COLEC11: variants seen among roughly 807,000 people sequenced by gnomAD.
COLEC11 encodes the protein collectin-11.
A neutral mutation model predicts 27.3 loss-of-function variants in COLEC11; 20 were observed. That is an observed-to-expected ratio of 0.73 (90% CI 0.51 to 1.06). The LOEUF is 1.06. Ranked by LOEUF, COLEC11 falls within the 50% of genes least tolerant of loss-of-function variation. The probability of loss-of-function intolerance (pLI) is 0.00; values close to 1 mark genes in which losing one functional copy is unlikely to be tolerated. For synonymous variants in COLEC11, 163 were observed against 154.7 expected, an observed-to-expected ratio of 1.05 and a Z score of -0.40; for missense variants, 310 against 383.0, an observed-to-expected ratio of 0.81 and a Z score of 1.59.
chr2:3,601,586 G>T (rs1376801074), intron 1 of COLEC11, among the ~76,000 whole-genome samples: 1 of 152,180 alleles, frequency 6.6e-6, no homozygotes, highest in East Asian at 1.9e-4. Flanking sequence ...GAGCCACTGT[G>T]ACTTTGTGCT....
At chr2:3,595,907 A>G (rs774454012) in intron 1 of COLEC11, among the ~76,000 whole-genome samples, 2 of 152,240 alleles carry the variant, frequency 1.3e-5, no homozygotes, top group African/African-American at 2.4e-5. Context: ...TTTGATGGGA[A>G]GCACTTTGCC....
At chr2:3,608,089 C>T (rs1468914393) in intron 2 of COLEC11, among the ~76,000 whole-genome samples, 2 of 152,222 alleles carry the variant, frequency 1.3e-5, no homozygotes, top group African/African-American at 4.8e-5. Flanking sequence ...GTCGAAGTAT[C>T]TTAGGTTCTC....
intron 4 of COLEC11, among the ~76,000 whole-genome samples, chr2:3,638,500 C>T (rs1282131009): frequency 6.6e-6 from 1 of 152,198 alleles, no homozygotes; most frequent in Non-Finnish European, 1.5e-5. Context: ...GTTCTTCTAC[C>T]TCATTCATCT....
chr2:3,605,251 G>C (rs1662555454), intron 2 of COLEC11, among the ~76,000 whole-genome samples: 1 of 151,786 alleles, frequency 6.6e-6, no homozygotes, highest in Admixed American at 6.6e-5. Flanking sequence ...GGGCTGCACC[G>C]GCCGCAGCAG....
chr2:3,606,346 C>A (rs1471464207), intron 2 of COLEC11: 4 of 977,904 alleles, frequency 4.1e-6, no homozygotes, highest in Non-Finnish European at 6.2e-6. Context: ...CAGCTGTCCA[C>A]GTCCTGGGTC....
intron 3 of COLEC11, among the ~76,000 whole-genome samples, chr2:3,625,777 C>A (rs938567553): frequency 1.3e-5 from 2 of 151,830 alleles, no homozygotes; most frequent in African/African-American, 4.8e-5. Flanking sequence ...GGATTACAGG[C>A]GCCCACCACC....
At chr2:3,595,225 GAGGGGAGGC>G (rs1355182209) in intron 1 of COLEC11, 57 bp downstream of exon 1, 2 of 206,726 alleles carry the variant, frequency 9.7e-6, no homozygotes, top group African/African-American at 4.7e-5. Context: ...TGACAGTGCA[GAGGGGAGGC>G]AGGCAGGCTT....
At chr2:3,618,391 G>C (rs12478443) in intron 3 of COLEC11, among the ~76,000 whole-genome samples, 86,260 of 151,724 alleles carry the variant, frequency 0.57, 27,335 homozygotes, top group South Asian at 0.74. Flanking sequence ...CAAGGATTCA[G>C]TTTTGTTTTT....
intron 3 of COLEC11, among the ~76,000 whole-genome samples, chr2:3,635,969 G>A (rs1483584356): frequency 6.6e-6 from 1 of 152,214 alleles, no homozygotes; most frequent in Non-Finnish European, 1.5e-5. Context: ...GCAGGGGCAT[G>A]TGTGGTTTCA....
At chr2:3,617,652 C>G in intron 3 of COLEC11, 2 of 1,612,016 alleles carry the variant, frequency 1.2e-6, no homozygotes, top group Non-Finnish European at 8.5e-7. Flanking sequence ...TCGAATTTCT[C>G]GATCTCAGCC....
intron 2 of COLEC11, among the ~76,000 whole-genome samples, chr2:3,612,380 G>C (rs1373797154): frequency 6.6e-6 from 1 of 152,178 alleles, no homozygotes; most frequent in Admixed American, 6.5e-5. Flanking sequence ...AGCCAGCAGA[G>C]TGGCCCTGTT....
At chr2:3,633,406 T>C (rs780515611) in intron 3 of COLEC11, among the ~76,000 whole-genome samples, 23 of 152,234 alleles carry the variant, frequency 1.5e-4, no homozygotes, top group Non-Finnish European at 2.6e-4. Context: ...CACGGCCAGA[T>C]GTTAAAGCAA....
chr2:3,599,132 C>A (rs541412968), intron 1 of COLEC11, among the ~76,000 whole-genome samples: 1 of 152,126 alleles, frequency 6.6e-6, no homozygotes, highest in Non-Finnish European at 1.5e-5. Flanking sequence ...TGCTGGGAAG[C>A]GTTCTTAATT....
At chr2:3,623,307 C>T (rs937302373) in intron 3 of COLEC11, among the ~76,000 whole-genome samples, 1 of 152,152 alleles carries the variant, frequency 6.6e-6, no homozygotes, top group Non-Finnish European at 1.5e-5. Context: ...CTTTAAGCTT[C>T]ATGTACCTTG....
intron 3 of COLEC11, among the ~76,000 whole-genome samples, chr2:3,616,817 T>A (rs142211582): frequency 7.0e-6 from 1 of 143,876 alleles, no homozygotes; most frequent in Non-Finnish European, 1.5e-5. Flanking sequence ...AGAGGGAGAC[T>A]GTGGGGAGAG....
chr2:3,639,183 A>G (rs1355052691), intron 4 of COLEC11, among the ~76,000 whole-genome samples: 1 of 152,262 alleles, frequency 6.6e-6, no homozygotes, highest in East Asian at 1.9e-4. Context: ...TGGATGGACC[A>G]CAATTATTGT....
intron 2 of COLEC11, among the ~76,000 whole-genome samples, chr2:3,606,572 C>CCT (rs1159173451): frequency 2.0e-5 from 3 of 152,172 alleles, no homozygotes; most frequent in African/African-American, 7.2e-5. Context: ...AGTGGGCACA[C>CCT]AGTGACCGGG....
At chr2:3,641,626 T>C (rs1665878721) in intron 5 of COLEC11, among the ~76,000 whole-genome samples, 2 of 152,288 alleles carry the variant, frequency 1.3e-5, no homozygotes, top group Middle Eastern at 3.4e-3. Flanking sequence ...ATTTAACAAA[T>C]TTTATCTTAG....
chr2:3,613,308 CAG>C lies in COLEC11; in HGVS notation c.131-2_131-1del. The C allele has an allele frequency of 6.2e-7, 1 of 1,609,060 alleles. No homozygotes were observed. The highest frequency in any genetic ancestry group is 1.1e-5 in the South Asian group (1 of 89,838). On this transcript the variant is annotated splice_acceptor_variant, in intron 2 of 6. Coordinates refer to ENST00000349077, the MANE Select transcript of COLEC11 (RefSeq NM_024027.5). LOFTEE classifies it high-confidence loss of function. ...TGCTAAATGGATGTGACTTCTTCCACAGGGGATGCGGGAGAGAAGGGAGACAA... is the reference window on the plus strand; with the variant it reads ...TGCTAAATGGATGTGACTTCTTCCACGGGATGCGGGAGAGAAGGGAGACAA...
Sources: gnomAD v4.1 joint callset for allele counts (sites outside exome capture counted in the v4.1 genomes callset) on GRCh38, gnomAD v4.1.1 for gene constraint, MANE v1.5 for transcripts, NCBI Gene and HGNC (gene_info 2026-07-23, HGNC 2026-07-21) for gene names.